The following RFX3 variants were observed in gnomAD, a reference collection of about 807,000 sequenced individuals.
The protein encoded by RFX3 is transcription factor RFX3.
A neutral mutation model predicts 98.6 loss-of-function variants in RFX3; 14 were observed. That is an observed-to-expected ratio of 0.14 (90% CI 0.09 to 0.22). The LOEUF is 0.22. RFX3 is among the 10% of genes least tolerant of loss of function. The probability of loss-of-function intolerance (pLI) is 1.00; values close to 1 mark genes in which losing one functional copy is unlikely to be tolerated. For synonymous variants in RFX3, 383 were observed against 328.4 expected, an observed-to-expected ratio of 1.17 and a Z score of -1.80; for missense variants, 639 against 926.9, an observed-to-expected ratio of 0.69 and a Z score of 4.03.
intron 1 of RFX3, among the ~76,000 whole-genome samples, chr9:3,491,662 T>C (rs1363119493): frequency 2.0e-5 from 3 of 152,194 alleles, no homozygotes; most frequent in Non-Finnish European, 4.4e-5. Flanking sequence ...AACATATCTT[T>C]CACTGTTTCA....
At chr9:3,441,129 T>C (rs780514118) in intron 1 of RFX3, among the ~76,000 whole-genome samples, 2 of 152,238 alleles carry the variant, frequency 1.3e-5, no homozygotes, top group African/African-American at 2.4e-5. Flanking sequence ...TTTATATGTA[T>C]ACTGGGTTTG....
intron 4 of RFX3, among the ~76,000 whole-genome samples, chr9:3,314,800 G>C (rs112377116): frequency 2.6e-5 from 4 of 152,134 alleles, no homozygotes; most frequent in African/African-American, 9.6e-5. Context: ...ATGGTAAAGA[G>C]ATCAATTCAA....
intron 4 of RFX3, chr9:3,324,260 TAAG>T (rs1234831736): frequency 4.8e-6 from 1 of 207,990 alleles, no homozygotes; most frequent in African/African-American, 2.3e-5. Flanking sequence ...TCACATAAAA[TAAG>T]AACTGTGATT....
At chr9:3,379,172 T>C (rs1417697716) in intron 2 of RFX3, among the ~76,000 whole-genome samples, 3 of 152,070 alleles carry the variant, frequency 2.0e-5, no homozygotes, top group Non-Finnish European at 4.4e-5. Context: ...CAATGTACAT[T>C]ACAGTTTTGG....
chr9:3,277,766 G>C (rs565178649), intron 7 of RFX3, among the ~76,000 whole-genome samples: 115 of 152,068 alleles, frequency 7.6e-4, no homozygotes, highest in African/African-American at 2.7e-3. Context: ...CCATGATTAA[G>C]TTTTAATACA....
intron 1 of RFX3, among the ~76,000 whole-genome samples, chr9:3,505,217 T>C (rs1384246562): frequency 2.5e-5 from 2 of 78,690 alleles, no homozygotes; most frequent in Non-Finnish European, 4.2e-5. Context: ...TATATGAATA[T>C]ATATTTATAT....
rs183000759 is a variant in RFX3 at position 3,241,886 on chromosome 9, G to A, written c.1968+6146C>T. Reference sequence around the variant, plus strand: ...AGTGCAAGGGGAAAAGATGGCAAGCGTATTAAGAGGCATCCTGTAAGGCAG... The same window carrying A: ...AGTGCAAGGGGAAAAGATGGCAAGCATATTAAGAGGCATCCTGTAAGGCAG... On this transcript the variant is annotated intron_variant, in intron 15 of 16. Coordinates refer to ENST00000617270, the MANE Select transcript of RFX3 (RefSeq NM_001282116.2). Among the ~76,000 whole-genome samples, 8 of 152,142 alleles carry A rather than the reference G, an allele frequency of 5.3e-5. No homozygotes were observed. In the East Asian group the frequency reaches 5.8e-4, roughly 11 times the overall value.
intron 1 of RFX3, among the ~76,000 whole-genome samples, chr9:3,402,817 G>A (rs373430663): frequency 1.3e-5 from 2 of 151,748 alleles, no homozygotes; most frequent in Admixed American, 6.6e-5. Flanking sequence ...TGCTTTTGGG[G>A]AGGAAATTAC....
chr9:3,380,244 T>C (rs1328602965), intron 2 of RFX3, among the ~76,000 whole-genome samples: 1 of 152,144 alleles, frequency 6.6e-6, no homozygotes, highest in Non-Finnish European at 1.5e-5. Context: ...GGGCAAATTA[T>C]ATTTCAAAGA....
rs1837142736 is a variant in RFX3 at position 3,366,693 on chromosome 9, C to CCTTTCTTTCTTTTTTTCTTT, written c.118-19930_118-19929insAAAGAAAAAAAGAAAGAAAG. ...CTTTCTCTTTCTTTCTTCTTTCTTTCCTTTCTTTCTTTCTTTCTTTCTTTC... is the reference window on the plus strand; with the variant it reads ...CTTTCTCTTTCTTTCTTCTTTCTTTCCTTTCTTTCTTTTTTTCTTTCTTTCTTTCTTTCTTTCTTTCTTTC... On this transcript the variant is annotated intron_variant, in intron 2 of 16. Coordinates refer to ENST00000617270, the MANE Select transcript of RFX3 (RefSeq NM_001282116.2). Among the ~76,000 whole-genome samples, 73 of 85,492 alleles carry CCTTTCTTTCTTTTTTTCTTT rather than the reference C, an allele frequency of 8.5e-4. 1 individual carries two copies. The highest frequency in any genetic ancestry group is 3.6e-3 in the African/African-American group (69 of 19,306). 56.1% of individuals were successfully genotyped at this position (85,492 alleles called of 152,430 possible).
chr9:3,377,184 G>C (rs904740327), intron 2 of RFX3, among the ~76,000 whole-genome samples: 1 of 152,138 alleles, frequency 6.6e-6, no homozygotes, highest in African/African-American at 2.4e-5. Flanking sequence ...GCAAAGAGTT[G>C]GAACCAACCC....
chr9:3,377,559 C>A (rs1838686743), intron 2 of RFX3, among the ~76,000 whole-genome samples: 1 of 151,948 alleles, frequency 6.6e-6, no homozygotes, highest in South Asian at 2.1e-4. Context: ...GCACGCCGTG[C>A]ACATGTACCC....
chr9:3,321,075 C>T (rs1485628693), intron 4 of RFX3, among the ~76,000 whole-genome samples: 1 of 151,666 alleles, frequency 6.6e-6, no homozygotes, highest in East Asian at 1.9e-4. Flanking sequence ...GCTAATTTTT[C>T]TATTTTTAGT....
At chr9:3,487,445 A>G (rs1850370977) in intron 1 of RFX3, among the ~76,000 whole-genome samples, 1 of 152,238 alleles carries the variant, frequency 6.6e-6, no homozygotes, top group South Asian at 2.1e-4. Flanking sequence ...TAACTTGTAT[A>G]TCCTGTGTAC....
Position 3,244,246 on chromosome 9 carries a change from T to C in RFX3, c.1968+3786A>G, listed in dbSNP as rs371137552. On this transcript the variant is annotated intron_variant, in intron 15 of 16. Transcript: ENST00000617270. The stretch of plus-strand genomic sequence containing the variant: ...GTCTCAAACTCCTGACCTCAGGTGA[T>C]CCACCCGCCTTGTCCTCCCAAAGTG... Among the ~76,000 whole-genome samples the C allele has an allele frequency of 5.1e-4, 78 of 152,246 alleles. 4 individuals carry two copies. The South Asian group carries it at 0.015, about 30-fold the overall frequency.
At chr9:3,380,859 A>G (rs1564016816) in intron 2 of RFX3, among the ~76,000 whole-genome samples, 1 of 152,184 alleles carries the variant, frequency 6.6e-6, no homozygotes, top group Non-Finnish European at 1.5e-5. Context: ...CTATTTTTAT[A>G]CTGAACATTT....
chr9:3,510,283 T>C lies in RFX3; in HGVS notation c.-9+15464A>G, dbSNP rs139088242. Reference sequence around the variant, plus strand: ...TCCAGACCCAAAAGTTTAGCTGCTATGCAAACAGGGCCAGGTTATAAGATA... The same window carrying C: ...TCCAGACCCAAAAGTTTAGCTGCTACGCAAACAGGGCCAGGTTATAAGATA... On this transcript the variant is annotated intron_variant, in intron 1 of 16. Coordinates refer to ENST00000617270, the MANE Select transcript of RFX3 (RefSeq NM_001282116.2). Among the ~76,000 whole-genome samples, 793 of 151,916 alleles carry C rather than the reference T, an allele frequency of 5.2e-3. 9 individuals carry two copies. Among genetic ancestry groups the C allele is most frequent in the Admixed American group, 7.4e-3 (113 of 15,204 alleles).
At chr9:3,490,084 T>G (rs553830047) in intron 1 of RFX3, among the ~76,000 whole-genome samples, 2 of 152,106 alleles carry the variant, frequency 1.3e-5, no homozygotes, top group Non-Finnish European at 2.9e-5. Context: ...AAAACATATA[T>G]AGTAGTGATA....
intron 1 of RFX3, chr9:3,524,394 A>G (rs1819007620): frequency 4.4e-6 from 2 of 453,722 alleles, no homozygotes; most frequent in Non-Finnish European, 5.8e-6. Flanking sequence ...GTCACTGTCC[A>G]AAGAAAATCA....
Sources: gnomAD v4.1 joint callset for allele counts (sites outside exome capture counted in the v4.1 genomes callset) on GRCh38, gnomAD v4.1.1 for gene constraint, MANE v1.5 for transcripts, NCBI Gene and HGNC (gene_info 2026-07-23, HGNC 2026-07-21) for gene names.